The following HPSE2 variants were observed in gnomAD, a reference collection of about 807,000 sequenced individuals.
The protein encoded by HPSE2 is heparanase 2 (inactive).
HPSE2 carries 38 observed loss-of-function variants against 60.5 expected under a neutral mutation model. The ratio of observed to expected loss-of-function variants is 0.63; its 90% CI spans 0.48 to 0.82. HPSE2 has a LOEUF of 0.82. Ranked by LOEUF, HPSE2 falls within the 40% of genes least tolerant of loss-of-function variation. HPSE2 has a pLI of 0.00. For missense variants in HPSE2, 713 were observed against 740.4 expected (o/e 0.96, Z 0.43); for synonymous variants, 295 against 293.2 (o/e 1.01, Z -0.06).
At chr10:98,742,260 A>G (rs1404135295) in intron 4 of HPSE2, among the ~76,000 whole-genome samples, 3 of 152,182 alleles carry the variant, frequency 2.0e-5, no homozygotes, top group African/African-American at 7.2e-5. Flanking sequence ...AAAGCAGAGA[A>G]AGAGGAAAGA....
intron 6 of HPSE2, among the ~76,000 whole-genome samples, chr10:98,646,069 C>T (rs184251908): frequency 5.3e-5 from 8 of 152,284 alleles, no homozygotes; most frequent in African/African-American, 1.7e-4. Context: ...GGACAACTAA[C>T]TTACTGTACT....
chr10:98,816,570 G>A (rs1047290432), intron 3 of HPSE2, among the ~76,000 whole-genome samples: 2 of 152,158 alleles, frequency 1.3e-5, no homozygotes, highest in Non-Finnish European at 2.9e-5. Flanking sequence ...GCTAAAGGTG[G>A]AATGTTTCGA....
chr10:99,190,311 G>A (rs1224037164), intron 2 of HPSE2, among the ~76,000 whole-genome samples: 1 of 152,128 alleles, frequency 6.6e-6, no homozygotes, highest in Non-Finnish European at 1.5e-5. Flanking sequence ...CCTTGCAGAA[G>A]TTACATAATC....
chr10:98,526,188 A>G (rs1295838556), intron 9 of HPSE2, among the ~76,000 whole-genome samples: 1 of 152,222 alleles, frequency 6.6e-6, no homozygotes, highest in Non-Finnish European at 1.5e-5. Flanking sequence ...AAGGTATAGA[A>G]GACTGGGTGT....
intron 3 of HPSE2, among the ~76,000 whole-genome samples, chr10:99,020,293 C>T (rs1957234338): frequency 6.6e-6 from 1 of 151,814 alleles, no homozygotes; most frequent in African/African-American, 2.4e-5. Context: ...TCATAAACTA[C>T]TTATAATTAT....
At chr10:98,549,907 C>A (rs1943809511) in intron 9 of HPSE2, among the ~76,000 whole-genome samples, 1 of 152,194 alleles carries the variant, frequency 6.6e-6, no homozygotes, top group East Asian at 1.9e-4. Flanking sequence ...ATCATCTACT[C>A]CCACGGTTCA....
At chr10:99,100,193 C>T (rs772527198) in intron 3 of HPSE2, among the ~76,000 whole-genome samples, 1 of 152,064 alleles carries the variant, frequency 6.6e-6, no homozygotes, top group East Asian at 1.9e-4. Flanking sequence ...CAAACTTCTC[C>T]GAGCTAAAGA....
intron 3 of HPSE2, among the ~76,000 whole-genome samples, chr10:98,811,426 T>G (rs1376969168): frequency 6.6e-6 from 1 of 152,120 alleles, no homozygotes. Context: ...ACAGAGTAGG[T>G]GCTCAATAAA....
At chr10:99,315,309 T>A in the HPSE2 span, among the ~76,000 whole-genome samples, 1 of 152,208 alleles carries the variant, frequency 6.6e-6, no homozygotes, top group African/African-American at 2.4e-5. Context: ...TTGGTGACAG[T>A]CACAGGTACT....
the HPSE2 span, among the ~76,000 whole-genome samples, chr10:99,244,734 T>TC: frequency 6.6e-6 from 1 of 151,934 alleles, no homozygotes; most frequent in East Asian, 1.9e-4. Flanking sequence ...TTTAGTTCAT[T>TC]ATAAGGAGAG....
intron 9 of HPSE2, among the ~76,000 whole-genome samples, chr10:98,557,608 A>G (rs1944048122): frequency 6.6e-6 from 1 of 152,210 alleles, no homozygotes; most frequent in Admixed American, 6.5e-5. Flanking sequence ...ATAAAGAAAA[A>G]AATGGATAAA....
intron 3 of HPSE2, among the ~76,000 whole-genome samples, chr10:99,073,220 C>G (rs1398970882): frequency 4.6e-5 from 7 of 152,064 alleles, no homozygotes; most frequent in Admixed American, 4.6e-4. Flanking sequence ...GACATGGAAC[C>G]ATTCAAAATG....
chr10:99,208,422 T>C (rs1564895228), intron 2 of HPSE2, among the ~76,000 whole-genome samples: 1 of 152,170 alleles, frequency 6.6e-6, no homozygotes, highest in Non-Finnish European at 1.5e-5. Context: ...CAGTGGCTTA[T>C]GTCTGTAATT....
At chr10:99,261,350 C>T in the HPSE2 span, among the ~76,000 whole-genome samples, 6 of 152,176 alleles carry the variant, frequency 3.9e-5, no homozygotes, top group Admixed American at 6.5e-5. Context: ...TCCTCACACC[C>T]GGTCCGGCTT....
intron 3 of HPSE2, among the ~76,000 whole-genome samples, chr10:98,952,329 T>A (rs1364600202): frequency 6.7e-6 from 1 of 150,266 alleles, no homozygotes; most frequent in Non-Finnish European, 1.5e-5. Context: ...TGTGTGTGTG[T>A]GTGTGTGTGT....
intron 3 of HPSE2, among the ~76,000 whole-genome samples, chr10:99,110,319 C>T (rs149088345): frequency 3.5e-4 from 54 of 152,240 alleles, no homozygotes; most frequent in African/African-American, 1.2e-3. Context: ...GTGCAGCAGC[C>T]ACAGAATAAA....
intron 3 of HPSE2, among the ~76,000 whole-genome samples, chr10:98,979,887 C>G (rs1167725654): frequency 6.6e-6 from 1 of 152,080 alleles, no homozygotes; most frequent in Non-Finnish European, 1.5e-5. Flanking sequence ...GGATTGGCCT[C>G]AGAAAGGATA....
rs4113484 is a variant in HPSE2 at position 99,002,077 on chromosome 10, A to G, written c.610+142161T>C. Among the ~76,000 whole-genome samples the G allele has an allele frequency of 6.9e-3, 1,045 of 152,270 alleles. 15 individuals are homozygous for G. Among genetic ancestry groups the G allele is most frequent in the African/African-American group, 0.024 (1,002 of 41,568 alleles). On this transcript the variant is annotated intron_variant, in intron 3 of 11. Coordinates refer to ENST00000370552, the MANE Select transcript of HPSE2 (RefSeq NM_021828.5). Reference sequence around the variant, plus strand: ...AACTACTCATCAACAAAAATCTGCAATGAGGAGGTACGTCAAAGAGACATG... The same window carrying G: ...AACTACTCATCAACAAAAATCTGCAGTGAGGAGGTACGTCAAAGAGACATG...
intron 3 of HPSE2, among the ~76,000 whole-genome samples, chr10:98,802,486 A>C (rs1950937420): frequency 2.0e-5 from 2 of 100,812 alleles, no homozygotes; most frequent in African/African-American, 3.9e-5. Flanking sequence ...CCACCCCACA[A>C]CAGTCCCCAG....
Sources: gnomAD v4.1 joint callset for allele counts (sites outside exome capture counted in the v4.1 genomes callset) on GRCh38, gnomAD v4.1.1 for gene constraint, MANE v1.5 for transcripts, NCBI Gene and HGNC (gene_info 2026-07-23, HGNC 2026-07-21) for gene names.